Variants in DSCAML1 observed in about 807,000 individuals in gnomAD.
DSCAML1 encodes the protein DS cell adhesion molecule like 1, also known as cell adhesion molecule DSCAML1.
Under a neutral mutation model 200.5 loss-of-function variants are expected in DSCAML1, and 38 were observed. The observed-to-expected ratio is 0.19, with a 90% CI of 0.15 to 0.25. The LOEUF (loss-of-function observed/expected upper bound fraction) is 0.25, where lower values mean the gene tolerates loss of function less well. Ranked by LOEUF, DSCAML1 falls within the 10% of genes least tolerant of loss-of-function variation. The pLI, the probability that DSCAML1 is intolerant of heterozygous loss-of-function variation, is 1.00. For missense variants in DSCAML1, 2,223 were observed against 2,858.8 expected (o/e 0.78, Z 5.07); for synonymous variants, 1,215 against 1,165.0 (o/e 1.04, Z -0.87).
At chr11:117,718,475 A>G (rs1324113487) in intron 3 of DSCAML1, among the ~76,000 whole-genome samples, 8 of 152,224 alleles carry the variant, frequency 5.3e-5, no homozygotes, top group East Asian at 1.9e-4. Context: ...ATCCAGCAAG[A>G]GTATTCTGAG....
chr11:117,438,155 C>T, intron 24 of DSCAML1, 72 bp from the exon 25 acceptor site: 2 of 1,448,292 alleles, frequency 1.4e-6, no homozygotes, highest in Non-Finnish European at 1.9e-6. Flanking sequence ...CTCAGGTACC[C>T]CAACAGGGGG....
At chr11:117,606,657 C>T (rs1161650239) in intron 3 of DSCAML1, among the ~76,000 whole-genome samples, 2 of 152,246 alleles carry the variant, frequency 1.3e-5, no homozygotes, top group Non-Finnish European at 2.9e-5. Flanking sequence ...GGCACCCAGA[C>T]TCTGCTCTGG....
chr11:117,465,306 G>C, intron 16 of DSCAML1, 124 bp from the exon 17 acceptor site: 1 of 1,358,286 alleles, frequency 7.4e-7, no homozygotes, highest in Non-Finnish European at 1.0e-6. Context: ...ATCTCACTCA[G>C]AATGAAAGCC....
chr11:117,721,859 G>A (rs1031591261), intron 3 of DSCAML1, among the ~76,000 whole-genome samples: 6 of 149,904 alleles, frequency 4.0e-5, no homozygotes, highest in Non-Finnish European at 8.9e-5. Flanking sequence ...AGGCTGGAGT[G>A]CAGTGGCGCG....
intron 3 of DSCAML1, among the ~76,000 whole-genome samples, chr11:117,692,130 C>T (rs559598096): frequency 1.3e-5 from 2 of 152,042 alleles, no homozygotes; most frequent in African/African-American, 4.8e-5. Flanking sequence ...TGCAAGGTGT[C>T]CTTTTCCTAA....
chr11:117,761,559 A>AT (rs959999062), intron 3 of DSCAML1, among the ~76,000 whole-genome samples: 3 of 151,822 alleles, frequency 2.0e-5, no homozygotes, highest in Admixed American at 6.6e-5. Context: ...TCTGTGCTTC[A>AT]TTTTTTTTCA....
chr11:117,474,978 A>C (rs2048760926), intron 14 of DSCAML1, among the ~76,000 whole-genome samples: 1 of 151,918 alleles, frequency 6.6e-6, no homozygotes, highest in African/African-American at 2.4e-5. Context: ...GATGGTCTCG[A>C]TCTCCTGACC....
chr11:117,633,489 A>C (rs1204669810), intron 3 of DSCAML1, among the ~76,000 whole-genome samples: 2 of 152,196 alleles, frequency 1.3e-5, no homozygotes, highest in Non-Finnish European at 2.9e-5. Context: ...TATCTGCTTT[A>C]CACTGAAAGC....
Position 117,518,693 on chromosome 11 carries a change from A to G in DSCAML1, c.1283T>C (p.Met428Thr), listed in dbSNP as rs768570605. Residue 428 changes from methionine (M) to threonine (T), a missense_variant, in exon 7 of 33, where the codon ATG (methionine) becomes ACG (threonine). This residue lies in a region of DSCAML1 where 579 missense variants were observed against 721.5 expected (regional missense o/e 0.80). Coordinates refer to ENST00000651296, the MANE Select transcript of DSCAML1 (RefSeq NM_020693.4). The surrounding 1 kb of genome is among the most constrained non-coding windows in gnomAD (Gnocchi z 6.3). ...VVNPGEQFSLMCAAKGAPPPT... is the reference protein window; with the variant it reads ...VVNPGEQFSLTCAAKGAPPPT... ...GGGCGGGGCGCCCTTGGCCGCACAC[A>G]TCAGTGAGAACTGCTCCCCGGGGTT... 8 of 1,613,266 alleles carry G rather than the reference A, an allele frequency of 5.0e-6. No individual in the cohort carries two copies. The highest frequency in any genetic ancestry group is 2.7e-5 in the African/African-American group (2 of 74,934).
intron 3 of DSCAML1, among the ~76,000 whole-genome samples, chr11:117,631,690 C>CTG (rs376799210): frequency 0.024 from 3,589 of 150,344 alleles, 57 homozygotes; most frequent in East Asian, 0.062. Flanking sequence ...GTGATTGTGC[C>CTG]TGTGTGTGTG....
intron 30 of DSCAML1, among the ~76,000 whole-genome samples, chr11:117,432,045 TCTATC>T: frequency 6.6e-6 from 1 of 152,292 alleles, no homozygotes; most frequent in East Asian, 1.9e-4. Flanking sequence ...CTTGATGTGT[TCTATC>T]CTATGTCCAG....
At chr11:117,758,770 G>C (rs1190721108) in intron 3 of DSCAML1, among the ~76,000 whole-genome samples, 1 of 152,114 alleles carries the variant, frequency 6.6e-6, no homozygotes, top group African/African-American at 2.4e-5. Flanking sequence ...GGACATCTGA[G>C]ACTTCAGATA....
intron 17 of DSCAML1, among the ~76,000 whole-genome samples, chr11:117,464,451 T>C (rs1019667744): frequency 2.0e-5 from 3 of 152,152 alleles, no homozygotes; most frequent in African/African-American, 7.2e-5. Context: ...TCTCCAGTCA[T>C]GGAAGAATGA....
chr11:117,563,373 C>A (rs2050699405), intron 3 of DSCAML1, among the ~76,000 whole-genome samples: 1 of 152,182 alleles, frequency 6.6e-6, no homozygotes, highest in Non-Finnish European at 1.5e-5. Context: ...TTCCCCAGCT[C>A]TCCAGGCTTG....
chr11:117,725,567 A>G (rs2054112114), intron 3 of DSCAML1, among the ~76,000 whole-genome samples: 2 of 152,210 alleles, frequency 1.3e-5, no homozygotes, highest in Non-Finnish European at 2.9e-5. Flanking sequence ...TCCGATCCGC[A>G]CTGTTGAGCA....
intron 1 of DSCAML1, among the ~76,000 whole-genome samples, chr11:117,787,776 T>C (rs569140528): frequency 5.3e-5 from 8 of 152,358 alleles, no homozygotes; most frequent in African/African-American, 1.7e-4. Context: ...ACACAGCTTT[T>C]GCTAATTCCC....
intron 16 of DSCAML1, among the ~76,000 whole-genome samples, chr11:117,468,155 C>T (rs552724181): frequency 2.0e-5 from 3 of 152,238 alleles, no homozygotes; most frequent in East Asian, 3.9e-4. Flanking sequence ...TCAATCTTAA[C>T]AATATTTCTC....
At chr11:117,566,167 C>T (rs1003729713) in intron 3 of DSCAML1, among the ~76,000 whole-genome samples, 6 of 152,160 alleles carry the variant, frequency 3.9e-5, no homozygotes, top group Non-Finnish European at 7.3e-5. Flanking sequence ...GATGAGGGGA[C>T]GGAGACCTAT....
At chr11:117,433,943 G>A (rs1460575776) in intron 27 of DSCAML1, among the ~76,000 whole-genome samples, 1 of 152,186 alleles carries the variant, frequency 6.6e-6, no homozygotes, top group East Asian at 1.9e-4. Context: ...TTCCTCCTCT[G>A]GGGCCTCTGT....
Sources: allele counts gnomAD v4.1 joint callset (sites outside exome capture counted in the v4.1 genomes callset), GRCh38; gene constraint gnomAD v4.1.1; regional missense constraint gnomAD v4.1.1; non-coding constraint Gnocchi (gnomAD v3.1); transcripts MANE v1.5; gene names NCBI Gene and HGNC (gene_info 2026-07-23, HGNC 2026-07-21).